Variants in ABLIM3 observed in about 807,000 individuals in gnomAD.
ABLIM3 encodes the protein actin-binding LIM protein 3.
ABLIM3 carries 61 observed loss-of-function variants against 109.5 expected under a neutral mutation model. That is an observed-to-expected ratio of 0.56 (90% CI 0.45 to 0.69). The LOEUF is 0.69. ABLIM3 is among the 30% of genes least tolerant of loss of function. The pLI is 0.00. For synonymous variants in ABLIM3, 300 were observed against 324.8 expected (o/e 0.92, Z 0.82); for missense variants, 796 against 889.5 (o/e 0.89, Z 1.34).
chr5:149,214,034 G>A (rs1393678403), intron 7 of ABLIM3, among the ~76,000 whole-genome samples: 3 of 152,176 alleles, frequency 2.0e-5, no homozygotes, highest in Admixed American at 2.0e-4. Flanking sequence ...GTAGCATGAT[G>A]TCAGGAAATA....
intron 2 of ABLIM3, among the ~76,000 whole-genome samples, chr5:149,161,738 G>A (rs1271066455): frequency 2.0e-5 from 3 of 152,142 alleles, no homozygotes; most frequent in African/African-American, 7.2e-5. Flanking sequence ...GCTGGGGTTT[G>A]GGAATCAAAT....
intron 2 of ABLIM3, among the ~76,000 whole-genome samples, chr5:149,175,195 T>C (rs1755814240): frequency 6.6e-6 from 1 of 152,232 alleles, no homozygotes; most frequent in Non-Finnish European, 1.5e-5. Flanking sequence ...CACCGTGCAT[T>C]AAAACCCATG....
chr5:149,200,397 C>A lies in ABLIM3; in HGVS notation c.417C>A (p.Ser139Arg). Residue 139 changes from serine (S) to arginine (R), a missense_variant, in exon 5 of 24, where the codon AGC (serine) becomes AGA (arginine). Physicochemically the swap from Ser to Arg is moderately radical, Grantham distance 110. Transcript: ENST00000309868. ...VCQTCSQSMA[S>R]SKPIKIRGPS... ...AAACGTGCTCCCAGTCCATGGCCAG[C>A]AGTAAGCCCATCAAGATTCGTGGAC... 1.9e-6 allele frequency: 3 copies of A among 1,614,232 alleles called. No homozygotes were observed. The highest frequency in any genetic ancestry group is 2.5e-6 in the Non-Finnish European group (3 of 1,180,046).
intron 8 of ABLIM3, among the ~76,000 whole-genome samples, chr5:149,226,417 G>A (rs2127539958): frequency 6.6e-6 from 1 of 152,204 alleles, no homozygotes; most frequent in South Asian, 2.1e-4. Flanking sequence ...CCTGGGGGCA[G>A]AGGTTGCAGT....
At chr5:149,154,430 C>T (rs1340933306) in intron 2 of ABLIM3, among the ~76,000 whole-genome samples, 2 of 152,198 alleles carry the variant, frequency 1.3e-5, no homozygotes, top group African/African-American at 2.4e-5. Flanking sequence ...GGAGAAGGAA[C>T]TTGAGAGGCA....
At position 149,142,110 on chromosome 5, in the gene ABLIM3, T is replaced by C; in HGVS notation, c.13+2T>C. On this transcript the variant is annotated splice_donor_variant, in intron 2 of 23. Transcript: ENST00000309868. LOFTEE classifies it high-confidence loss of function. ...AAGACATCACCATGAACACTAGCAG[T>C]AAGTGGATCCTCCTCTCCTTTGCCA... 6.2e-7 allele frequency: 1 copy of C among 1,609,694 alleles called. No homozygotes were observed. Among genetic ancestry groups the C allele is most frequent in the Non-Finnish European group, 8.5e-7 (1 of 1,179,384 alleles).
intron 2 of ABLIM3, among the ~76,000 whole-genome samples, chr5:149,173,746 G>A (rs953194035): frequency 6.6e-6 from 1 of 152,202 alleles, no homozygotes; most frequent in African/African-American, 2.4e-5. Flanking sequence ...GAACCGCCGG[G>A]CGCGGTGGCT....
chr5:149,175,032 A>G (rs1360555863), intron 2 of ABLIM3, among the ~76,000 whole-genome samples: 1 of 152,224 alleles, frequency 6.6e-6, no homozygotes, highest in Non-Finnish European at 1.5e-5. Context: ...CTTTGTAAAG[A>G]TCACAAGGAA....
intron 2 of ABLIM3, among the ~76,000 whole-genome samples, chr5:149,166,218 T>C (rs1298332852): frequency 6.6e-6 from 1 of 152,174 alleles, no homozygotes; most frequent in African/African-American, 2.4e-5. Flanking sequence ...AGTCACAATC[T>C]CCCACTCCCT....
chr5:149,208,557 A>T (rs1759247310), intron 6 of ABLIM3, among the ~76,000 whole-genome samples: 1 of 152,138 alleles, frequency 6.6e-6, no homozygotes, highest in Non-Finnish European at 1.5e-5. Flanking sequence ...GCCTAGCAGA[A>T]AAAGAGGCCT....
chr5:149,151,678 C>A (rs1033600643), intron 2 of ABLIM3, among the ~76,000 whole-genome samples: 1 of 152,248 alleles, frequency 6.6e-6, no homozygotes, highest in African/African-American at 2.4e-5. Context: ...GGGAAGACCC[C>A]AGTAATTTAG....
At position 149,237,597 on chromosome 5, in the gene ABLIM3, T is replaced by C. The variant is rs1046214817; in HGVS notation, c.1038T>C (p.Tyr346=). 1.2e-6 allele frequency: 2 copies of C among 1,614,168 alleles called. No individual in the cohort carries two copies. Among genetic ancestry groups the C allele is most frequent in the Admixed American group, 3.3e-5 (2 of 60,030 alleles). Residue 346 remains tyrosine, a synonymous_variant, in exon 11 of 24, where the codon TAT becomes TAC. Transcript: ENST00000309868. The part of the protein sequence containing the change: ...MSDEMLERCG[Y]GESLGTLSPY... ...ACGAGATGCTGGAGAGATGTGGCTA[T>C]GGAGAGGTATCGCATCTTGCCCTTC... is the stretch of plus-strand genomic sequence containing the variant.
At chr5:149,242,469 C>G in intron 14 of ABLIM3, 22 bp from the exon 15 acceptor site, 2 of 1,613,536 alleles carry the variant, frequency 1.2e-6, no homozygotes, top group Non-Finnish European at 1.7e-6. Context: ...TCCCCACTGT[C>G]CCTTCCTGGT....
At chr5:149,250,536 A>G (rs375040844) in intron 20 of ABLIM3, 31 bp downstream of exon 20, 3 of 1,613,088 alleles carry the variant, frequency 1.9e-6, no homozygotes, top group Non-Finnish European at 2.5e-6. Context: ...ATGGGGGAGG[A>G]CGTTGTCCCC....
At chr5:149,159,661 T>G (rs1754155558) in intron 2 of ABLIM3, among the ~76,000 whole-genome samples, 1 of 152,190 alleles carries the variant, frequency 6.6e-6, no homozygotes, top group Non-Finnish European at 1.5e-5. Context: ...CTGAGGCCAG[T>G]ATCCTTATCA....
intron 10 of ABLIM3, 133 bp from the exon 11 acceptor site, chr5:149,237,315 A>G (rs551493831): frequency 1.5e-5 from 14 of 954,026 alleles, no homozygotes; most frequent in Admixed American, 9.6e-5. Context: ...CTATTCTTCA[A>G]TTTGATCCTA....
In ABLIM3 at chr5:149,183,565, C is replaced by T; in HGVS notation, c.127C>T (p.His43Tyr). 6.4e-7 allele frequency: 1 copy of T among 1,574,246 alleles called. No individual in the cohort carries two copies. Among genetic ancestry groups the T allele is most frequent in the Non-Finnish European group, 8.6e-7 (1 of 1,161,626 alleles). ...GGTCCGCGTGCACAACAACCACTTC[C>T]ACATCAGATGCTTCACCTGTCAAGG... ...EVVRVHNNHF[H>Y]IRCFTCQVCG... is the part of the protein sequence containing the mutation. Residue 43 changes from histidine (H) to tyrosine (Y), a missense_variant, in exon 3 of 24, where the codon CAC becomes TAC. His to Tyr is a moderately conservative substitution (Grantham distance 83). Coordinates refer to ENST00000309868, the MANE Select transcript of ABLIM3 (RefSeq NM_014945.5).
At chr5:149,226,669 A>T (rs901368193) in intron 8 of ABLIM3, among the ~76,000 whole-genome samples, 24 of 152,224 alleles carry the variant, frequency 1.6e-4, no homozygotes, top group Non-Finnish European at 2.5e-4. Flanking sequence ...AATCATGCTT[A>T]CTAAACAGAA....
At chr5:149,182,253 G>A (rs1388476260) in intron 2 of ABLIM3, among the ~76,000 whole-genome samples, 3 of 152,130 alleles carry the variant, frequency 2.0e-5, no homozygotes, top group Non-Finnish European at 4.4e-5. Flanking sequence ...ATATATAAAC[G>A]ATAGGTACCA....
Sources: allele counts gnomAD v4.1 joint callset (sites outside exome capture counted in the v4.1 genomes callset), GRCh38; gene constraint gnomAD v4.1.1; transcripts MANE v1.5; gene names NCBI Gene and HGNC (gene_info 2026-07-23, HGNC 2026-07-21).